The following RAPGEF6 variants were observed in gnomAD, a reference collection of about 807,000 sequenced individuals.
RAPGEF6 encodes the protein PDZ domain containing guanine nucleotide exchange factor (GEF) 2.
RAPGEF6 carries 56 observed loss-of-function variants against 171.4 expected under a neutral mutation model. The observed-to-expected ratio is 0.33, with a 90% CI of 0.26 to 0.41. RAPGEF6 has a LOEUF of 0.41. RAPGEF6 is among the 10% of genes least tolerant of loss of function. RAPGEF6 has a pLI of 1.00. For missense variants in RAPGEF6, 1,674 were observed against 1,921.4 expected, an observed-to-expected ratio of 0.87 and a Z score of 2.41; for synonymous variants, 692 against 650.1, an observed-to-expected ratio of 1.06 and a Z score of -0.98.
intron 4 of RAPGEF6, among the ~76,000 whole-genome samples, chr5:131,571,474 TAG>T (rs1188326674): frequency 6.6e-6 from 1 of 152,136 alleles, no homozygotes; most frequent in Non-Finnish European, 1.5e-5. Flanking sequence ...AAACAGCAAT[TAG>T]AATAAGTGAT....
Position 131,548,114 on chromosome 5 carries a change from C to T in RAPGEF6, c.428G>A (p.Arg143Gln), listed in dbSNP as rs200073608. The T allele has an allele frequency of 1.6e-4, 252 of 1,613,888 alleles. No homozygotes were observed. The highest frequency in any genetic ancestry group is 1.9e-4 in the Non-Finnish European group (226 of 1,179,916). The stretch of plus-strand genomic sequence containing the variant: ...GCGCTCTCCTTTATAGTTAATTTTC[C>T]GAAATCTTCTTCGGGATTGTCTGGC... ...IPARQSRRRF[R>Q]KINYKGERQT... The change falls in exon 6 of 28, where the codon CGG becomes CAG. Residue 143 changes from arginine to glutamine, a missense_variant. Arg to Gln is a conservative substitution (Grantham distance 43, BLOSUM62 1). Around this residue, in one of 3 missense-constraint regions of RAPGEF6, gnomAD observed 1,116 missense variants for 1,321.5 expected, o/e 0.84. Coordinates refer to ENST00000509018, the MANE Select transcript of RAPGEF6 (RefSeq NM_016340.6).
chr5:131,625,405 C>T (rs1051714768), intron 1 of RAPGEF6, among the ~76,000 whole-genome samples: 1 of 152,078 alleles, frequency 6.6e-6, no homozygotes. Context: ...AACCAGTGAC[C>T]AGGTTGGGCC....
intron 3 of RAPGEF6, among the ~76,000 whole-genome samples, chr5:131,602,226 T>A (rs991106308): frequency 6.6e-6 from 1 of 152,156 alleles, no homozygotes; most frequent in Non-Finnish European, 1.5e-5. Context: ...GAAGATGGTA[T>A]AGCCTACTAT....
intron 6 of RAPGEF6, among the ~76,000 whole-genome samples, chr5:131,533,664 G>A (rs1442359600): frequency 6.6e-6 from 1 of 151,904 alleles, no homozygotes; most frequent in East Asian, 1.9e-4. Flanking sequence ...AAGGGAAGCT[G>A]GAAAAAAATC....
rs759423647 is a variant in RAPGEF6, at chr5:131,442,456, G to A, written c.3503C>T (p.Thr1168Ile). The change falls in exon 23 of 28, where the codon ACT becomes ATT. Residue 1168 changes from threonine (T) to isoleucine (I), a missense_variant. Thr to Ile is a moderately conservative substitution (Grantham distance 89). Transcript: ENST00000509018. ...PVPMRSAGQT[T>I]KAHLHQPHRV... Reference sequence around the variant, plus strand: ...GTGGGGTTGATGCAAGTGGGCTTTAGTTGTTTGGCCAGCTGACCTCATAGG... The same window carrying A: ...GTGGGGTTGATGCAAGTGGGCTTTAATTGTTTGGCCAGCTGACCTCATAGG... The A allele has an allele frequency of 1.9e-6, 3 of 1,614,212 alleles. No homozygotes were observed. The highest frequency in any genetic ancestry group is 2.5e-6 in the Non-Finnish European group (3 of 1,180,030).
At chr5:131,514,266 A>C (rs1757930680) in intron 7 of RAPGEF6, among the ~76,000 whole-genome samples, 2 of 152,198 alleles carry the variant, frequency 1.3e-5, no homozygotes, top group South Asian at 4.1e-4. Flanking sequence ...ATTTTTAAAA[A>C]TGTAAAGACC....
intron 17 of RAPGEF6, among the ~76,000 whole-genome samples, chr5:131,467,759 C>T (rs886444747): frequency 3.3e-5 from 5 of 152,096 alleles, no homozygotes; most frequent in African/African-American, 9.7e-5. Flanking sequence ...AAGCCAGGGG[C>T]GGTAGTTCAT....
At chr5:131,518,586 G>A (rs922249100) in intron 7 of RAPGEF6, among the ~76,000 whole-genome samples, 1 of 151,816 alleles carries the variant, frequency 6.6e-6, no homozygotes, top group East Asian at 1.9e-4. Flanking sequence ...AGTAGAGAGA[G>A]GGTTTCTCCA....
intron 5 of RAPGEF6, among the ~76,000 whole-genome samples, chr5:131,559,334 GAAAATAAAAATA>G (rs1171145179): frequency 6.6e-6 from 1 of 151,728 alleles, no homozygotes; most frequent in African/African-American, 2.4e-5. Flanking sequence ...ATCACAAAAT[GAAAATAAAAATA>G]AAAATAAAAA....
intron 7 of RAPGEF6, among the ~76,000 whole-genome samples, chr5:131,520,727 C>G (rs1307734195): frequency 6.6e-6 from 1 of 152,176 alleles, no homozygotes; most frequent in Non-Finnish European, 1.5e-5. Context: ...AAGAAGACAT[C>G]ATAGAAGTTC....
At chr5:131,486,895 C>T (rs576730625) in intron 15 of RAPGEF6, among the ~76,000 whole-genome samples, 3 of 152,054 alleles carry the variant, frequency 2.0e-5, no homozygotes, top group Non-Finnish European at 4.4e-5. Context: ...AATATTTTCT[C>T]CAGAATCTAT....
intron 24 of RAPGEF6, chr5:131,436,210 T>C: frequency 6.5e-7 from 1 of 1,537,636 alleles, no homozygotes; most frequent in Non-Finnish European, 8.7e-7. Flanking sequence ...TCTGGTTGTG[T>C]TCTCACAACT....
At chr5:131,556,843 T>C (rs1456646113) in intron 5 of RAPGEF6, among the ~76,000 whole-genome samples, 2 of 152,212 alleles carry the variant, frequency 1.3e-5, no homozygotes, top group Non-Finnish European at 2.9e-5. Context: ...ATCCTTACTA[T>C]GGTAACTCCA....
intron 1 of RAPGEF6, among the ~76,000 whole-genome samples, chr5:131,629,883 T>TA (rs927523164): frequency 5.9e-5 from 9 of 152,140 alleles, no homozygotes; most frequent in South Asian, 2.1e-4. Flanking sequence ...TATGCATTAG[T>TA]AAAAAAAGTG....
At chr5:131,435,097 T>A (rs1252314863) in intron 24 of RAPGEF6, among the ~76,000 whole-genome samples, 1 of 152,246 alleles carries the variant, frequency 6.6e-6, no homozygotes, top group East Asian at 1.9e-4. Context: ...TTATGGATCT[T>A]GGAGTTATTC....
intron 1 of RAPGEF6, among the ~76,000 whole-genome samples, chr5:131,612,288 T>C (rs1346675114): frequency 6.7e-6 from 1 of 150,170 alleles, no homozygotes; most frequent in Admixed American, 6.8e-5. Context: ...TTTTTCACCG[T>C]TTTCTGTACA....
At chr5:131,600,437 G>A (rs151065083) in intron 3 of RAPGEF6, among the ~76,000 whole-genome samples, 782 of 151,950 alleles carry the variant, frequency 5.1e-3, no homozygotes, top group Admixed American at 9.6e-3. Flanking sequence ...CAGGAGAATC[G>A]TATGAACCCA....
At chr5:131,435,344 G>T (rs11242077) in intron 24 of RAPGEF6, among the ~76,000 whole-genome samples, 1 of 151,768 alleles carries the variant, frequency 6.6e-6, no homozygotes, top group African/African-American at 2.4e-5. Context: ...ATTTTTAAGA[G>T]GACCAAGAAA....
At chr5:131,559,351 T>C (rs1202795088) in intron 5 of RAPGEF6, among the ~76,000 whole-genome samples, 1 of 151,970 alleles carries the variant, frequency 6.6e-6, no homozygotes, top group East Asian at 1.9e-4. Flanking sequence ...AAAATAAAAA[T>C]AAAAATAAAA....
Sources: allele counts gnomAD v4.1 joint callset (sites outside exome capture counted in the v4.1 genomes callset), GRCh38; gene constraint gnomAD v4.1.1; regional missense constraint gnomAD v4.1.1; transcripts MANE v1.5; gene names NCBI Gene and HGNC (gene_info 2026-07-23, HGNC 2026-07-21).